CXCL3: variants seen among roughly 807,000 people sequenced by gnomAD.
CXCL3 encodes the protein C-X-C motif chemokine ligand 3.
In CXCL3, 10 loss-of-function variants were observed where a neutral mutation model predicts 11.5. The observed-to-expected ratio is 0.87, with a 90% CI of 0.54 to 1.48. The LOEUF is 1.48. Among genes scored for constraint, CXCL3 ranks in the 40% most tolerant of loss-of-function variants. CXCL3 has a pLI of 0.00. For missense variants in CXCL3, 149 were observed against 139.1 expected, an observed-to-expected ratio of 1.07 and a Z score of -0.36; for synonymous variants, 61 against 60.9, an observed-to-expected ratio of 1.00 and a Z score of -0.01.
Position 74,038,427 on chromosome 4 carries a change from G to C in CXCL3, c.101-14C>G, listed in dbSNP as rs771912453. The C allele has an allele frequency of 6.2e-7, 1 of 1,608,866 alleles. No individual in the cohort carries two copies. The highest frequency in any genetic ancestry group is 1.1e-5 in the South Asian group (1 of 90,444). ...CCACGGACGCTCCTAGGGAAGAATA[G>C]ACTCGCTGATTGAGCGGGGCTGTCG... On this transcript the variant is annotated splice_polypyrimidine_tract_variant and intron_variant, in intron 1 of 3. Transcript: ENST00000296026.
At chr4:74,038,067 C>T (rs1019825350) in intron 3 of CXCL3, 26 bp downstream of exon 3, 3 of 1,612,302 alleles carry the variant, frequency 1.9e-6, no homozygotes, top group Non-Finnish European at 2.5e-6. Flanking sequence ...CTCCAGTCGC[C>T]TGTGTATATG....
rs748177839 is a variant in CXCL3, at chr4:74,038,104, C to A, written c.297G>T (p.Lys99Asn). 1 of 1,614,072 alleles carries A rather than the reference C, an allele frequency of 6.2e-7. No homozygotes were observed. Among genetic ancestry groups the A allele is most frequent in the Non-Finnish European group, 8.5e-7 (1 of 1,179,988 alleles). Residue 99 changes from lysine (K) to asparagine (N), a missense_variant, in exon 3 of 4, where the codon AAG becomes AAT. Coordinates refer to ENST00000296026, the MANE Select transcript of CXCL3 (RefSeq NM_002090.3). ...AAATTACAACTCACTTGTTCAGTAT[C>A]TTTTCGATGATTTTCTGAACCATGG... ...ASPMVQKIIEKILNKGSTN is the reference protein window; with the variant it reads ...ASPMVQKIIENILNKGSTN
At chr4:74,037,375 C>T in intron 3 of CXCL3, 98 bp from the exon 4 acceptor site, 1 of 1,434,546 alleles carries the variant, frequency 7.0e-7, no homozygotes, top group Non-Finnish European at 9.8e-7. Context: ...CAGACTCTCT[C>T]CCAGCCCTCC....
intron 3 of CXCL3, 147 bp from the exon 4 acceptor site, chr4:74,037,424 G>C: frequency 1.6e-6 from 1 of 612,948 alleles, no homozygotes; most frequent in Non-Finnish European, 2.6e-6. Context: ...GCCTTCTATA[G>C]CAGAAAACTT....
chr4:74,038,237 C>T, intron 2 of CXCL3, 53 bp downstream of exon 2: 1 of 1,613,350 alleles, frequency 6.2e-7, no homozygotes, highest in Non-Finnish European at 8.5e-7. Flanking sequence ...GTTGGGGCAG[C>T]GGGAGAGTCG....
intron 3 of CXCL3, 22 bp downstream of exon 3, chr4:74,038,071 G>A (rs200191131): frequency 4.0e-5 from 64 of 1,612,654 alleles, no homozygotes; most frequent in Non-Finnish European, 5.2e-5. Context: ...AGTCGCCTGT[G>A]TATATGGAAA....
rs1720014508 is a variant in CXCL3 at position 74,037,275 on chromosome 4, C to T, written c.311G>A (p.Gly104Glu). 6.2e-7 allele frequency: 1 copy of T among 1,613,948 alleles called. No homozygotes were observed. The highest frequency in any genetic ancestry group is 1.1e-5 in the South Asian group (1 of 91,076). ...ACTTCTCTCCTGTCAGTTGGTGCTC[C>T]CCCTGTGATGAGAAAAGGGTTACTG... ...QKIIEKILNK[G>E]STN The change falls in exon 4 of 4, where the codon GGG (glycine) becomes GAG (glutamate). Residue 104 changes from glycine to glutamate, a missense_variant and splice_region_variant. Gly to Glu is a moderately conservative substitution (Grantham distance 98). Transcript: ENST00000296026.
rs1022150215 is a variant in CXCL3 at position 74,038,519 on chromosome 4, G to C, written c.93C>G (p.Arg31=). Residue 31 remains arginine (R), a synonymous_variant, in exon 1 of 4, where the codon CGC becomes CGG. Coordinates refer to ENST00000296026, the MANE Select transcript of CXCL3 (RefSeq NM_002090.3). ...LLLLLVAASR[R]AAGASVVTEL... is the part of the protein sequence containing the mutation. The stretch of plus-strand genomic sequence containing the variant: ...CAGGGCGCCGGGACCCACCTGCTGC[G>C]CGCCGGCTGGCGGCCACCAGGAGCA... The C allele has an allele frequency of 3.4e-6, 5 of 1,482,358 alleles. No individual in the cohort carries two copies. In the South Asian group the frequency reaches 6.7e-5, roughly 20 times the overall value. 91.8% of individuals were successfully genotyped at this position (1,482,358 alleles called of 1,614,324 possible).
chr4:74,038,479 C>T (rs1279015798), intron 1 of CXCL3, 33 bp downstream of exon 1: 9 of 1,575,494 alleles, frequency 5.7e-6, no homozygotes, highest in Non-Finnish European at 7.7e-6. Flanking sequence ...CCAGCCGCGT[C>T]CGGCCCGGGG....
In CXCL3 at chr4:74,038,649, C is replaced by G; in HGVS notation, c.-38G>C. 7.2e-7 allele frequency: 1 copy of G among 1,394,216 alleles called. No homozygotes were observed. The highest frequency in any genetic ancestry group is 9.2e-7 in the Non-Finnish European group (1 of 1,081,816). 86.4% of individuals were successfully genotyped at this position (1,394,216 alleles called of 1,614,324 possible). On this transcript the variant is annotated 5_prime_UTR_variant, in exon 1 of 4. Transcript: ENST00000296026. ...ACGCGTCGGGAAGCTGTGCGAGAAG[C>G]GGGAGAGCTGGCGGGGAGGTGCCTG...
chr4:74,037,426 A>G (rs1026684406), intron 3 of CXCL3, 149 bp from the exon 4 acceptor site: 24 of 655,650 alleles, frequency 3.7e-5, no homozygotes, highest in Non-Finnish European at 5.7e-5. Flanking sequence ...CTTCTATAGC[A>G]GAAAACTTGC....
chr4:74,038,095 G>A lies in CXCL3; in HGVS notation c.306C>T (p.Asn102=), dbSNP rs779165994. 1.2e-5 allele frequency: 19 copies of A among 1,614,000 alleles called. No individual in the cohort carries two copies. The highest frequency in any genetic ancestry group is 1.5e-5 in the Non-Finnish European group (18 of 1,179,934). ...MVQKIIEKIL[N]KGSTN The stretch of plus-strand genomic sequence containing the variant: ...TGTATATGGAAATTACAACTCACTT[G>A]TTCAGTATCTTTTCGATGATTTTCT... Residue 102 remains asparagine (N), a splice_region_variant and synonymous_variant, in exon 3 of 4, where the codon AAC becomes AAT. Transcript: ENST00000296026.
At position 74,038,411 on chromosome 4, in the gene CXCL3, C is replaced by T; in HGVS notation, c.103G>A (p.Ala35Thr). 2 of 1,613,292 alleles carry T rather than the reference C, an allele frequency of 1.2e-6. No individual in the cohort carries two copies. The highest frequency in any genetic ancestry group is 1.7e-6 in the Non-Finnish European group (2 of 1,179,660). Residue 35 changes from alanine to threonine, a missense_variant and splice_region_variant, in exon 2 of 4, where the codon GCG becomes ACG. Physicochemically the swap from Ala to Thr is moderately conservative, Grantham distance 58. Transcript: ENST00000296026. ...CAGCGCAGTTCAGTGACCACGGACG[C>T]TCCTAGGGAAGAATAGACTCGCTGA... ...LVAASRRAAG[A>T]SVVTELRCQC...
rs929172104 is a variant in CXCL3, at chr4:74,037,195, G to A, written c.*67C>T. 1.1e-5 allele frequency: 17 copies of A among 1,586,900 alleles called. No individual in the cohort carries two copies. The East Asian group carries it at 3.8e-4, about 36-fold the overall frequency. On this transcript the variant is annotated 3_prime_UTR_variant, in exon 4 of 4. Coordinates refer to ENST00000296026, the MANE Select transcript of CXCL3 (RefSeq NM_002090.3). ...GTTCTCTTTTTCATTTTCAGCTCTG[G>A]TAAGGGCAGGGACCACCCTGCAGGA...
intron 3 of CXCL3, chr4:74,037,559 T>C (rs1042637778): frequency 2.0e-5 from 9 of 461,518 alleles, no homozygotes; most frequent in African/African-American, 1.8e-4. Flanking sequence ...GAAATGTCCA[T>C]TCATGATCTC....
In CXCL3 at chr4:74,038,629, T is replaced by TCGGGAAGCTGTGCGAGAAG. The variant is rs1257132929; in HGVS notation, c.-37_-19dup. ...TGGGCCATGGGGCTCAGCAGACGCGTCGGGAAGCTGTGCGAGAAGCGGGAG... is the reference window on the plus strand; with the variant it reads ...TGGGCCATGGGGCTCAGCAGACGCGTCGGGAAGCTGTGCGAGAAGCGGGAAGCTGTGCGAGAAGCGGGAG... On this transcript the variant is annotated 5_prime_UTR_variant, in exon 1 of 4. Coordinates refer to ENST00000296026, the MANE Select transcript of CXCL3 (RefSeq NM_002090.3). 1.8e-5 allele frequency: 26 copies of TCGGGAAGCTGTGCGAGAAG among 1,424,402 alleles called. No homozygotes were observed. In the African/African-American group the frequency reaches 3.4e-4, roughly 19 times the overall value. 88.2% of individuals were successfully genotyped at this position (1,424,402 alleles called of 1,614,324 possible). A position where few individuals can be genotyped will look rare whatever the true frequency, so the allele number is the denominator to read the frequency against.
Position 74,038,505 on chromosome 4 carries a change from G to A in CXCL3, c.100+7C>T, listed in dbSNP as rs773370929. The A allele has an allele frequency of 6.5e-7, 1 of 1,530,236 alleles. No homozygotes were observed. Among genetic ancestry groups the A allele is most frequent in the African/African-American group, 1.4e-5 (1 of 69,610 alleles). 94.8% of individuals were successfully genotyped at this position (1,530,236 alleles called of 1,614,324 possible). ...CGGCCCGGGGACCCCAGGGCGCCGG[G>A]ACCCACCTGCTGCGCGCCGGCTGGC... On this transcript the variant is annotated splice_region_variant and intron_variant, in intron 1 of 3. Coordinates refer to ENST00000296026, the MANE Select transcript of CXCL3 (RefSeq NM_002090.3).
Position 74,037,076 on chromosome 4 carries a change from C to T in CXCL3, c.*186G>A, listed in dbSNP as rs1720008193. ...TAACAGCATGTAAAATATTAAAATA[C>T]AAGCTTTCAAAAATAAATACATAAA... On this transcript the variant is annotated 3_prime_UTR_variant, in exon 4 of 4. Coordinates refer to ENST00000296026, the MANE Select transcript of CXCL3 (RefSeq NM_002090.3). 1 of 574,284 alleles carries T rather than the reference C, an allele frequency of 1.7e-6. No homozygotes were observed. The highest frequency in any genetic ancestry group is 1.9e-5 in the African/African-American group (1 of 53,484). The allele number at this position is 574,284 out of a possible 1,614,324, so 35.6% of individuals were successfully genotyped here. A position where few individuals can be genotyped will look rare whatever the true frequency, so the allele number is the denominator to read the frequency against.
Position 74,038,324 on chromosome 4 carries a change from A to C in CXCL3, c.190T>G (p.Ser64Ala), listed in dbSNP as rs200035503. The C allele has an allele frequency of 1.2e-6, 2 of 1,613,850 alleles. No homozygotes were observed. Among genetic ancestry groups the C allele is most frequent in the Non-Finnish European group, 1.7e-6 (2 of 1,179,944 alleles). The part of the protein sequence containing the change: ...LKNIQSVNVR[S>A]PGPHCAQTEV... ...GTTTGGGCGCAGTGGGGTCCGGGGG[A>C]CCTTACATTCACACTTTGGATGTTC... The change falls in exon 2 of 4, where the codon TCC becomes GCC. Residue 64 changes from serine to alanine, a missense_variant. Ser to Ala is a moderately conservative substitution (Grantham distance 99). Coordinates refer to ENST00000296026, the MANE Select transcript of CXCL3 (RefSeq NM_002090.3).
Sources: gnomAD v4.1 joint callset for allele counts on GRCh38, gnomAD v4.1.1 for gene constraint, MANE v1.5 for transcripts, NCBI Gene and HGNC (gene_info 2026-07-23, HGNC 2026-07-21) for gene names.